The following ARL14EPL variants were observed in gnomAD, a reference collection of about 807,000 sequenced individuals.
ARL14EPL encodes ARF like GTPase 14 effector protein like, also known as ARL14 effector protein-like.
Under a neutral mutation model 15.9 loss-of-function variants are expected in ARL14EPL, and 17 were observed. That is an observed-to-expected ratio of 1.07 (90% CI 0.73 to 1.60). The LOEUF (loss-of-function observed/expected upper bound fraction) is 1.60. Ranked by LOEUF, ARL14EPL falls within the 40% of genes most tolerant of loss-of-function variation. The pLI is 0.00. For missense variants in ARL14EPL, 214 were observed against 185.9 expected (o/e 1.15, Z -0.88); for synonymous variants, 78 against 63.8 (o/e 1.22, Z -1.06).
chr5:116,035,738 C>G (rs1749038503), intron 1 of ARL14EPL, among the ~76,000 whole-genome samples: 1 of 152,170 alleles, frequency 6.6e-6, no homozygotes, highest in Admixed American at 6.5e-5. Flanking sequence ...GGGCTGCTGC[C>G]TCAAAAACTC....
chr5:116,036,905 G>A (rs1228723864), intron 1 of ARL14EPL, among the ~76,000 whole-genome samples: 1 of 151,420 alleles, frequency 6.6e-6, no homozygotes, highest in African/African-American at 2.4e-5. Context: ...TATTCTTTTT[G>A]ATGTTTTCCT....
intron 3 of ARL14EPL, among the ~76,000 whole-genome samples, chr5:116,058,429 A>T (rs1749569399): frequency 6.6e-6 from 1 of 152,204 alleles, no homozygotes; most frequent in Non-Finnish European, 1.5e-5. Context: ...AGATTGCTGC[A>T]TTTCCCAGCA....
chr5:116,051,961 G>A (rs1036683666), intron 2 of ARL14EPL: 4 of 1,611,332 alleles, frequency 2.5e-6, no homozygotes, highest in African/African-American at 2.7e-5. Context: ...TATTTCTGGT[G>A]TAAATTACTT....
At chr5:116,041,758 T>C (rs149820456) in intron 1 of ARL14EPL, among the ~76,000 whole-genome samples, 3 of 152,184 alleles carry the variant, frequency 2.0e-5, no homozygotes, top group African/African-American at 7.2e-5. Context: ...TCTCCCTCCC[T>C]CTTTACCTGA....
At chr5:116,039,983 A>C (rs2112668139) in intron 1 of ARL14EPL, among the ~76,000 whole-genome samples, 1 of 152,288 alleles carries the variant, frequency 6.6e-6, no homozygotes, top group South Asian at 2.1e-4. Flanking sequence ...CTTAACAAAT[A>C]TGTTTCCACA....
rs537163115 is a variant in ARL14EPL, at chr5:116,052,047, C to T, written c.96+486C>T. The stretch of plus-strand genomic sequence containing the variant: ...TGAAGGGCTGCCCTGGCCAGGGAGC[C>T]TCGAATCTTCAGTCTCTCAGAGACC... On this transcript the variant is annotated intron_variant, in intron 2 of 3. Coordinates refer to ENST00000686077, the MANE Select transcript of ARL14EPL (RefSeq NM_001195581.2). 56 of 1,612,818 alleles carry T rather than the reference C, an allele frequency of 3.5e-5. No homozygotes were observed. In the South Asian group the frequency reaches 5.5e-4, roughly 16 times the overall value.
chr5:116,041,752 C>T (rs1241101986), intron 1 of ARL14EPL, among the ~76,000 whole-genome samples: 1 of 152,142 alleles, frequency 6.6e-6, no homozygotes, highest in Admixed American at 6.5e-5. Context: ...TGTCCTTCTC[C>T]CTCCCTCTTT....
chr5:116,041,321 A>G (rs557037397), intron 1 of ARL14EPL, among the ~76,000 whole-genome samples: 20 of 152,318 alleles, frequency 1.3e-4, no homozygotes, highest in African/African-American at 4.8e-4. Flanking sequence ...ATTTTTCAAT[A>G]TGTAAAAATA....
chr5:116,051,284 G>T, intron 1 of ARL14EPL, 173 bp from the exon 2 acceptor site: 1 of 530,360 alleles, frequency 1.9e-6, no homozygotes, highest in Non-Finnish European at 3.3e-6. Flanking sequence ...GGTGGTCTGG[G>T]GGAGTCAGAG....
chr5:116,035,737 C>T (rs907113936), intron 1 of ARL14EPL, among the ~76,000 whole-genome samples: 4 of 152,260 alleles, frequency 2.6e-5, no homozygotes, highest in Admixed American at 2.6e-4. Flanking sequence ...GGGGCTGCTG[C>T]CTCAAAAACT....
chr5:116,049,049 AC>A (rs1222556656), intron 1 of ARL14EPL, among the ~76,000 whole-genome samples: 1 of 152,190 alleles, frequency 6.6e-6, no homozygotes, highest in Admixed American at 6.5e-5. Flanking sequence ...GTTTGTTTGG[AC>A]GTAGCCCATG....
intron 1 of ARL14EPL, among the ~76,000 whole-genome samples, chr5:116,037,847 T>G (rs1029655258): frequency 1.3e-5 from 2 of 152,204 alleles, no homozygotes; most frequent in Non-Finnish European, 2.9e-5. Context: ...TTGTTTGGTT[T>G]TAGTTGGTGG....
chr5:116,049,251 G>A (rs912742584), intron 1 of ARL14EPL, among the ~76,000 whole-genome samples: 26 of 152,232 alleles, frequency 1.7e-4, no homozygotes, highest in African/African-American at 6.0e-4. Context: ...TCATCAGAGA[G>A]CTTATTAATT....
At chr5:116,051,634 A>T in intron 2 of ARL14EPL, 73 bp downstream of exon 2, 1 of 1,293,266 alleles carries the variant, frequency 7.7e-7, no homozygotes, top group South Asian at 1.4e-5. Flanking sequence ...ATGCCCATGG[A>T]TGTGGGTGGG....
At chr5:116,050,201 T>C (rs978415543) in intron 1 of ARL14EPL, among the ~76,000 whole-genome samples, 5 of 152,224 alleles carry the variant, frequency 3.3e-5, no homozygotes, top group Admixed American at 2.6e-4. Flanking sequence ...AGGGGGATAA[T>C]GCACTTAGGT....
intron 1 of ARL14EPL, among the ~76,000 whole-genome samples, chr5:116,047,855 C>T (rs1232068265): frequency 6.6e-6 from 1 of 152,136 alleles, no homozygotes; most frequent in African/African-American, 2.4e-5. Flanking sequence ...TTCTGTAACC[C>T]ACCTTGGGGA....
At chr5:116,046,647 A>G (rs1355548224) in intron 1 of ARL14EPL, among the ~76,000 whole-genome samples, 2 of 152,186 alleles carry the variant, frequency 1.3e-5, no homozygotes, top group Non-Finnish European at 2.9e-5. Context: ...GCTCCTATGT[A>G]TAAGCCAGCT....
rs1231760824 is a variant in ARL14EPL at position 116,059,002 on chromosome 5, T to C, written c.*55T>C. On this transcript the variant is annotated 3_prime_UTR_variant, in exon 4 of 4. Coordinates refer to ENST00000686077, the MANE Select transcript of ARL14EPL (RefSeq NM_001195581.2). ...TTCTTCTTACACATTTAAGTTGACC[T>C]CTTTCTTTTGGGTGAATTTTAGGGC... is the stretch of plus-strand genomic sequence containing the variant. 8 of 1,486,714 alleles carry C rather than the reference T, an allele frequency of 5.4e-6. No homozygotes were observed. The highest frequency in any genetic ancestry group is 6.3e-6 in the Non-Finnish European group (7 of 1,104,578). 92.1% of individuals were successfully genotyped at this position (1,486,714 alleles called of 1,614,324 possible). A position where few individuals can be genotyped will look rare whatever the true frequency, so the allele number is the denominator to read the frequency against.
chr5:116,042,643 G>T (rs1237194173), intron 1 of ARL14EPL, among the ~76,000 whole-genome samples: 1 of 152,210 alleles, frequency 6.6e-6, no homozygotes, highest in Non-Finnish European at 1.5e-5. Context: ...CCCAGTGAGA[G>T]CTTGTTCAGT....
Sources: allele counts gnomAD v4.1 joint callset (sites outside exome capture counted in the v4.1 genomes callset), GRCh38; gene constraint gnomAD v4.1.1; transcripts MANE v1.5; gene names NCBI Gene and HGNC (gene_info 2026-07-23, HGNC 2026-07-21).